SEMA4D: variants seen among roughly 807,000 people sequenced by gnomAD.
The protein encoded by SEMA4D is semaphorin 4D, also known as semaphorin-4D.
In SEMA4D, 22 loss-of-function variants were observed where a neutral mutation model predicts 74.8. The observed-to-expected ratio is 0.29, with a 90% confidence interval of 0.21 to 0.42. The LOEUF is 0.42. Among genes scored for constraint, SEMA4D ranks in the 10% least tolerant of loss-of-function variants. The pLI is 1.00. For missense variants in SEMA4D, 937 were observed against 1,118.4 expected (o/e 0.84, Z 2.31); for synonymous variants, 445 against 463.7 (o/e 0.96, Z 0.52).
chr9:89,390,653 T>C (rs1331310588), intron 9 of SEMA4D, among the ~76,000 whole-genome samples: 1 of 152,168 alleles, frequency 6.6e-6, no homozygotes, highest in African/African-American at 2.4e-5. Flanking sequence ...TGCTCCGAGA[T>C]GAGCTCCTGG....
At chr9:89,449,901 A>G (rs557240111) in intron 2 of SEMA4D, 2 of 1,445,920 alleles carry the variant, frequency 1.4e-6, no homozygotes, top group Admixed American at 3.4e-5. Flanking sequence ...GGTCCATGTG[A>G]ATGGCTTCAT....
chr9:89,388,209 A>ACCCATT (rs1274510341), intron 11 of SEMA4D, among the ~76,000 whole-genome samples: 1 of 152,142 alleles, frequency 6.6e-6, no homozygotes, highest in Admixed American at 6.5e-5. Flanking sequence ...TGCCTGTCAC[A>ACCCATT]CCCATTTCCC....
chr9:89,443,327 A>T (rs1249643900), intron 2 of SEMA4D, among the ~76,000 whole-genome samples: 1 of 152,196 alleles, frequency 6.6e-6, no homozygotes, highest in African/African-American at 2.4e-5. Context: ...CAAGGAGCTT[A>T]AACAGGGCCA....
At chr9:89,429,173 T>A (rs1386928082) in intron 2 of SEMA4D, among the ~76,000 whole-genome samples, 1 of 152,096 alleles carries the variant, frequency 6.6e-6, no homozygotes, top group Admixed American at 6.5e-5. Context: ...GTAGCCTGGC[T>A]CTCCTAACCT....
At chr9:89,396,554 C>T (rs1841007181) in intron 6 of SEMA4D, among the ~76,000 whole-genome samples, 183 bp downstream of exon 6, 1 of 152,238 alleles carries the variant, frequency 6.6e-6, no homozygotes, top group South Asian at 2.1e-4. Context: ...GCTGTGTGCC[C>T]CTGACAGCAG....
At chr9:89,395,244 G>A (rs1840687826) in intron 6 of SEMA4D, among the ~76,000 whole-genome samples, 1 of 152,116 alleles carries the variant, frequency 6.6e-6, no homozygotes, top group South Asian at 2.1e-4. Flanking sequence ...TGACCAACAT[G>A]GAGAAACCCC....
intron 1 of SEMA4D, among the ~76,000 whole-genome samples, chr9:89,477,544 A>G (rs1251396681): frequency 2.0e-5 from 3 of 152,206 alleles, no homozygotes; most frequent in Non-Finnish European, 2.9e-5. Context: ...ACTGCAGAAC[A>G]TACACATCTA....
intron 2 of SEMA4D, among the ~76,000 whole-genome samples, chr9:89,406,119 A>C (rs143458845): frequency 3.2e-3 from 494 of 152,352 alleles, no homozygotes; most frequent in African/African-American, 0.011. Context: ...CTCAGCGAGG[A>C]AACGGCCAGA....
At chr9:89,386,306 C>T in intron 13 of SEMA4D, 61 bp downstream of exon 13, 1 of 1,337,834 alleles carries the variant, frequency 7.5e-7, no homozygotes. Flanking sequence ...ACTCTCCTGT[C>T]ACCTAGAATC....
chr9:89,443,241 G>T (rs931900046), intron 2 of SEMA4D, among the ~76,000 whole-genome samples: 1 of 152,178 alleles, frequency 6.6e-6, no homozygotes. Context: ...GCCGGGTCGC[G>T]AGGTGCTCTG....
At chr9:89,417,797 G>T (rs1001545442) in intron 2 of SEMA4D, among the ~76,000 whole-genome samples, 1 of 152,204 alleles carries the variant, frequency 6.6e-6, no homozygotes, top group African/African-American at 2.4e-5. Context: ...AGGAGAGGCC[G>T]AGAGAGCAGG....
At chr9:89,441,397 A>G (rs1269297161) in intron 2 of SEMA4D, among the ~76,000 whole-genome samples, 1 of 152,246 alleles carries the variant, frequency 6.6e-6, no homozygotes, top group African/African-American at 2.4e-5. Flanking sequence ...CAGACAGAAC[A>G]GCAGGCAAGA....
intron 7 of SEMA4D, 148 bp from the exon 8 acceptor site, chr9:89,392,684 T>C (rs1171124325): frequency 1.6e-6 from 1 of 621,208 alleles, no homozygotes; most frequent in Non-Finnish European, 2.9e-6. Flanking sequence ...TCCTCAACTT[T>C]TGGGGTGTCC....
chr9:89,374,488 CAAGT>C (rs1220628414), downstream of SEMA4D, among the ~76,000 whole-genome samples: 8 of 152,204 alleles, frequency 5.3e-5, no homozygotes, highest in African/African-American at 1.9e-4. Context: ...GGTGGCACAG[CAAGT>C]GAGACTGAGT....
intron 1 of SEMA4D, among the ~76,000 whole-genome samples, chr9:89,483,286 G>A (rs1824869389): frequency 6.6e-6 from 1 of 152,220 alleles, no homozygotes; most frequent in Admixed American, 6.5e-5. Context: ...AGCATTCAAA[G>A]ACAAGCTAGA....
rs374560524 is a variant in SEMA4D, at chr9:89,379,657, C to T, written c.1664-28G>A. On this transcript the variant is annotated intron_variant, in intron 15 of 15. Transcript: ENST00000422704. ...GGAACATCAAAATAAACGTGCACAG[C>T]GTCAACAATCCCCATTTGCTATTTA... The T allele has an allele frequency of 6.3e-6, 10 of 1,577,524 alleles. No homozygotes were observed. The African/African-American group carries it at 9.5e-5, about 15-fold the overall frequency.
intron 4 of SEMA4D, among the ~76,000 whole-genome samples, chr9:89,402,336 T>C (rs1194278501): frequency 6.6e-6 from 1 of 152,112 alleles, no homozygotes; most frequent in Non-Finnish European, 1.5e-5. Flanking sequence ...CCAGCTGCAA[T>C]GGATTGGGAC....
intron 16 of SEMA4D, chr9:89,364,591 T>C (rs986563306): frequency 6.3e-6 from 1 of 159,586 alleles, no homozygotes; most frequent in Admixed American, 5.7e-5. Context: ...GCCTTGAGCA[T>C]GGACTCTGGG....
rs1836148508 is a variant in SEMA4D at position 89,378,093 on chromosome 9, T to C, written c.*611A>G. ...TTATCCCTGAGAATCTTAAGCAACG[T>C]AAGCCGTATTTTATGCCAAATATAT... On this transcript the variant is annotated 3_prime_UTR_variant, in exon 16 of 16. Coordinates refer to ENST00000422704, the MANE Select transcript of SEMA4D (RefSeq NM_001371194.2). The C allele has an allele frequency of 6.6e-6, 1 of 152,560 alleles. No individual in the cohort carries two copies. The highest frequency in any genetic ancestry group is 1.5e-5 in the Non-Finnish European group (1 of 68,054). The allele number at this position is 152,560 out of a possible 1,614,324, so 9.5% of individuals were successfully genotyped here.
Sources: gnomAD v4.1 joint callset for allele counts (sites outside exome capture counted in the v4.1 genomes callset) on GRCh38, gnomAD v4.1.1 for gene constraint, MANE v1.5 for transcripts, NCBI Gene and HGNC (gene_info 2026-07-23, HGNC 2026-07-21) for gene names.